Variants in IQGAP1 observed in about 807,000 individuals in gnomAD.
The protein encoded by IQGAP1 is IQ motif containing GTPase activating protein 1.
IQGAP1 carries 66 observed loss-of-function variants against 215.6 expected under a neutral mutation model. That is an observed-to-expected ratio of 0.31 (90% CI 0.25 to 0.38). The LOEUF is 0.38. IQGAP1 is among the 10% of genes least tolerant of loss of function. The probability of loss-of-function intolerance (pLI) is 1.00; values close to 1 mark genes in which losing one functional copy is unlikely to be tolerated. For missense variants in IQGAP1, 1,712 were observed against 1,997.1 expected (o/e 0.86, Z 2.72); for synonymous variants, 772 against 728.7 (o/e 1.06, Z -0.96).
intron 9 of IQGAP1, among the ~76,000 whole-genome samples, chr15:90,446,518 A>G (rs558516178): frequency 8.5e-5 from 13 of 152,202 alleles, no homozygotes; most frequent in East Asian, 1.9e-4. Flanking sequence ...TTTTCAGTGT[A>G]CATGGATCTT....
At chr15:90,430,355 G>A (rs1381196786) in intron 4 of IQGAP1, among the ~76,000 whole-genome samples, 3 of 151,886 alleles carry the variant, frequency 2.0e-5, no homozygotes, top group Admixed American at 6.6e-5. Context: ...ATCCTTTGAC[G>A]TAAGAATTCC....
chr15:90,497,605 TG>T (rs1208932024), intron 37 of IQGAP1, among the ~76,000 whole-genome samples: 1 of 152,206 alleles, frequency 6.6e-6, no homozygotes, highest in Non-Finnish European at 1.5e-5. Context: ...GCTGACACCT[TG>T]GACTTGAACA....
At chr15:90,480,767 C>G (rs1253089749) in intron 26 of IQGAP1, among the ~76,000 whole-genome samples, 1 of 152,186 alleles carries the variant, frequency 6.6e-6, no homozygotes, top group Non-Finnish European at 1.5e-5. Context: ...CTCCCTGGTT[C>G]AAGCGATTCT....
intron 7 of IQGAP1, among the ~76,000 whole-genome samples, chr15:90,441,177 A>C (rs902617611): frequency 2.0e-5 from 3 of 151,506 alleles, no homozygotes; most frequent in Admixed American, 2.0e-4. Flanking sequence ...TTATTGTTTT[A>C]TGGTGTTTAC....
At chr15:90,493,980 T>TGGCA (rs1567145110) in intron 35 of IQGAP1, 20 of 152,260 alleles carry the variant, frequency 1.3e-4, no homozygotes, top group African/African-American at 4.8e-4. Flanking sequence ...AGATTTGTCA[T>TGGCA]GGCCTCCAGG....
rs117590750 is a variant in IQGAP1 at position 90,497,544 on chromosome 15, C to T, written c.4860+204C>T. On this transcript the variant is annotated intron_variant, in intron 37 of 37. Coordinates refer to ENST00000268182, the MANE Select transcript of IQGAP1 (RefSeq NM_003870.4). Reference sequence around the variant, plus strand: ...CTGGAGAGCTTTTGCAGATGTCACTCTTCAGAAAACATTTAGCTGAAGCTT... The same window carrying T: ...CTGGAGAGCTTTTGCAGATGTCACTTTTCAGAAAACATTTAGCTGAAGCTT... Among the ~76,000 whole-genome samples, 6 of 152,320 alleles carry T rather than the reference C, an allele frequency of 3.9e-5. No homozygotes were observed. The East Asian group carries it at 1.2e-3, about 29-fold the overall frequency.
intron 2 of IQGAP1, among the ~76,000 whole-genome samples, chr15:90,411,532 A>G (rs1964965982): frequency 6.6e-6 from 1 of 152,156 alleles, no homozygotes; most frequent in Non-Finnish European, 1.5e-5. Context: ...AATTTTTGAC[A>G]TATATGGCTC....
Position 90,482,580 on chromosome 15 carries a change from C to T in IQGAP1, c.3555+299C>T, listed in dbSNP as rs369775227. 1.7e-5 allele frequency: 7 copies of T among 418,324 alleles called. No homozygotes were observed. In the East Asian group the frequency reaches 3.9e-4, roughly 23 times the overall value. The allele number at this position is 418,324 out of a possible 1,614,324, so 25.9% of individuals were successfully genotyped here. On this transcript the variant is annotated intron_variant, in intron 28 of 37. Coordinates refer to ENST00000268182, the MANE Select transcript of IQGAP1 (RefSeq NM_003870.4). ...ATTGTTCCCTCTGCTGGTGACCTGGCGAATAGTAGCAGGCACAGTTGTTTC... is the reference window on the plus strand; with the variant it reads ...ATTGTTCCCTCTGCTGGTGACCTGGTGAATAGTAGCAGGCACAGTTGTTTC...
At chr15:90,429,729 A>T in intron 4 of IQGAP1, 63 bp downstream of exon 4, 1 of 1,002,730 alleles carries the variant, frequency 1.0e-6, no homozygotes. Context: ...CCCTCAAACA[A>T]CCTGTTCTCA....
At chr15:90,405,749 T>C (rs1964868779) in intron 2 of IQGAP1, among the ~76,000 whole-genome samples, 1 of 151,982 alleles carries the variant, frequency 6.6e-6, no homozygotes, top group Admixed American at 6.6e-5. Context: ...CAGGTTTTTT[T>C]TTTTTTTCTG....
intron 9 of IQGAP1, among the ~76,000 whole-genome samples, chr15:90,447,051 T>C (rs1410975756): frequency 6.6e-6 from 1 of 152,224 alleles, no homozygotes; most frequent in Non-Finnish European, 1.5e-5. Context: ...CTACATTGAT[T>C]TTATTTTCTG....
intron 34 of IQGAP1, 121 bp from the exon 35 acceptor site, chr15:90,492,424 A>G: frequency 1.4e-6 from 1 of 733,136 alleles, no homozygotes; most frequent in South Asian, 2.6e-5. Flanking sequence ...GTGTCTAAAA[A>G]AAAAAAAAAA....
chr15:90,388,283 C>A lies in IQGAP1; in HGVS notation c.-59C>A. On this transcript the variant is annotated 5_prime_UTR_variant, in exon 1 of 38. Coordinates refer to ENST00000268182, the MANE Select transcript of IQGAP1 (RefSeq NM_003870.4). ...CGCACTTGGCAGGAGCTGTAGCTACCGCCGTCCGCGCCTCCAAGGTTTCAC... is the reference window on the plus strand; with the variant it reads ...CGCACTTGGCAGGAGCTGTAGCTACAGCCGTCCGCGCCTCCAAGGTTTCAC... 6.4e-7 allele frequency: 1 copy of A among 1,573,470 alleles called. No homozygotes were observed. The highest frequency in any genetic ancestry group is 8.7e-7 in the Non-Finnish European group (1 of 1,156,050).
At chr15:90,390,657 A>G in intron 1 of IQGAP1, 117 bp from the exon 2 acceptor site, 1 of 669,982 alleles carries the variant, frequency 1.5e-6, no homozygotes, top group South Asian at 1.8e-5. Context: ...CTGGCTACAC[A>G]CTCATTAGTT....
intron 15 of IQGAP1, among the ~76,000 whole-genome samples, chr15:90,458,998 A>G (rs1398658418): frequency 6.6e-6 from 1 of 152,176 alleles, no homozygotes; most frequent in Admixed American, 6.5e-5. Context: ...ACCAAAACTT[A>G]CAGAGCCCAC....
intron 5 of IQGAP1, among the ~76,000 whole-genome samples, chr15:90,435,796 A>G (rs1170151556): frequency 1.3e-5 from 2 of 152,206 alleles, no homozygotes; most frequent in Non-Finnish European, 2.9e-5. Flanking sequence ...TCTCTTGAAT[A>G]TGTAGTCTGT....
chr15:90,433,849 G>A (rs543429734), intron 5 of IQGAP1, 54 bp downstream of exon 5: 4 of 1,056,374 alleles, frequency 3.8e-6, no homozygotes, highest in African/African-American at 1.6e-5. Context: ...TCTGAATTGA[G>A]TGTGTAGTTT....
intron 22 of IQGAP1, 34 bp from the exon 23 acceptor site, chr15:90,474,451 C>G: frequency 6.6e-7 from 1 of 1,507,952 alleles, no homozygotes; most frequent in Non-Finnish European, 9.2e-7. Context: ...ACTTTTTCTG[C>G]TAACTCCATT....
chr15:90,431,676 T>C (rs1467040351), intron 4 of IQGAP1, among the ~76,000 whole-genome samples: 1 of 141,896 alleles, frequency 7.0e-6, no homozygotes, highest in Admixed American at 6.8e-5. Context: ...AGCCTTGAAT[T>C]GTCCACCCTA....
Sources: allele counts gnomAD v4.1 joint callset (sites outside exome capture counted in the v4.1 genomes callset), GRCh38; gene constraint gnomAD v4.1.1; transcripts MANE v1.5; gene names NCBI Gene and HGNC (gene_info 2026-07-23, HGNC 2026-07-21).